The following CEP70 variants were observed in gnomAD, a reference collection of about 807,000 sequenced individuals.
CEP70 encodes the protein centrosomal protein of 70 kDa.
In CEP70, 70 loss-of-function variants were observed where a neutral mutation model predicts 90.9. That is an observed-to-expected ratio of 0.77 (90% CI 0.64 to 0.94). CEP70 has a LOEUF of 0.94. CEP70 is among the 40% of genes least tolerant of loss of function. The pLI is 0.00. For missense variants in CEP70, 648 were observed against 669.0 expected, an observed-to-expected ratio of 0.97 and a Z score of 0.35; for synonymous variants, 220 against 228.3, an observed-to-expected ratio of 0.96 and a Z score of 0.33.
At position 138,537,256 on chromosome 3, in the gene CEP70, T is replaced by G; in HGVS notation, c.557A>C (p.Glu186Ala). ...GTTTTGAGTGACAATGCGATCTTCTTCCTCCTTTTTTAATCTACAGACTTC... is the reference window on the plus strand; with the variant it reads ...GTTTTGAGTGACAATGCGATCTTCTGCCTCCTTTTTTAATCTACAGACTTC... ...QMEVCRLKKE[E>A]EDRIVTQNRV... is the part of the protein sequence containing the mutation. The change falls in exon 7 of 18, where the codon GAA becomes GCA. Residue 186 changes from glutamate to alanine, a missense_variant. Physicochemically the swap from Glu to Ala is moderately radical, Grantham distance 107. Transcript: ENST00000264982. 1 of 1,608,414 alleles carries G rather than the reference T, an allele frequency of 6.2e-7. No individual in the cohort carries two copies. The highest frequency in any genetic ancestry group is 8.5e-7 in the Non-Finnish European group (1 of 1,177,652).
chr3:138,563,582 T>C (rs1192500558), intron 6 of CEP70, among the ~76,000 whole-genome samples: 1 of 152,188 alleles, frequency 6.6e-6, no homozygotes, highest in Non-Finnish European at 1.5e-5. Flanking sequence ...CTGAACAACC[T>C]GCCTTTGAAT....
At chr3:138,552,272 C>A (rs899106769) in intron 6 of CEP70, among the ~76,000 whole-genome samples, 1 of 152,224 alleles carries the variant, frequency 6.6e-6, no homozygotes, top group East Asian at 1.9e-4. Flanking sequence ...GTCATCAAGA[C>A]AGAAAATCAA....
At chr3:138,587,406 T>C (rs2042155916) in intron 2 of CEP70, among the ~76,000 whole-genome samples, 1 of 151,612 alleles carries the variant, frequency 6.6e-6, no homozygotes, top group African/African-American at 2.4e-5. Context: ...CAGAACCAAT[T>C]AAAAAAACTA....
chr3:138,534,020 G>A (rs555633504), intron 7 of CEP70, among the ~76,000 whole-genome samples: 1,727 of 152,222 alleles, frequency 0.011, 17 homozygotes, highest in Non-Finnish European at 0.018. Context: ...TCCTGACCTC[G>A]TGATCCGCCC....
intron 6 of CEP70, among the ~76,000 whole-genome samples, chr3:138,560,832 T>C (rs983773662): frequency 2.0e-5 from 3 of 152,006 alleles, no homozygotes; most frequent in African/African-American, 4.8e-5. Context: ...TCCTCCTCTC[T>C]GGGTAGGGCA....
At chr3:138,546,899 C>CT (rs1419313060) in intron 6 of CEP70, among the ~76,000 whole-genome samples, 4 of 152,164 alleles carry the variant, frequency 2.6e-5, no homozygotes, top group Admixed American at 6.5e-5. Context: ...ACACTCATGT[C>CT]TAAGCACATG....
At position 138,552,608 on chromosome 3, in the gene CEP70, C is replaced by T. The variant is rs142239791; in HGVS notation, c.466-15261G>A. Among the ~76,000 whole-genome samples, 857 of 152,168 alleles carry T rather than the reference C, an allele frequency of 5.6e-3. 7 individuals carry two copies. The highest frequency in any genetic ancestry group is 0.02 in the African/African-American group (825 of 41,496). ...CAACAATAAAATCAAGATGGAAGTT[C>T]AAAAATTCTTTGAACCGAGAGATAA... On this transcript the variant is annotated intron_variant, in intron 6 of 17. Coordinates refer to ENST00000264982, the MANE Select transcript of CEP70 (RefSeq NM_024491.4).
chr3:138,587,193 T>C (rs2042146468), intron 2 of CEP70, among the ~76,000 whole-genome samples: 3 of 151,908 alleles, frequency 2.0e-5, no homozygotes, highest in Admixed American at 2.0e-4. Context: ...TTTTAAAAAC[T>C]AATTATTTCT....
intron 11 of CEP70, among the ~76,000 whole-genome samples, chr3:138,512,297 T>A (rs995510172): frequency 1.3e-5 from 2 of 152,180 alleles, no homozygotes; most frequent in African/African-American, 4.8e-5. Context: ...AAAGGGCACT[T>A]GTCTATGTAC....
rs1221824765 is a variant in CEP70, at chr3:138,494,464, C to T, written c.*551G>A. ...ACTTCTATCTACTCATCCATTTTACCCTATGATTCATTTCCTACCCTAACA... is the reference window on the plus strand; with the variant it reads ...ACTTCTATCTACTCATCCATTTTACTCTATGATTCATTTCCTACCCTAACA... On this transcript the variant is annotated 3_prime_UTR_variant, in exon 18 of 18. Transcript: ENST00000264982. 6.6e-6 allele frequency: 1 copy of T among 152,164 alleles called. No individual in the cohort carries two copies. Among genetic ancestry groups the T allele is most frequent in the East Asian group, 1.9e-4 (1 of 5,208 alleles). 9.4% of individuals were successfully genotyped at this position (152,164 alleles called of 1,614,324 possible). A position where few individuals can be genotyped will look rare whatever the true frequency, so the allele number is the denominator to read the frequency against.
intron 3 of CEP70, among the ~76,000 whole-genome samples, chr3:138,571,833 C>T (rs1192174020): frequency 6.6e-6 from 1 of 152,170 alleles, no homozygotes; most frequent in Non-Finnish European, 1.5e-5. Flanking sequence ...GGCTGGAGTG[C>T]AGCGGTACGA....
At chr3:138,512,389 T>C (rs371724033) in intron 11 of CEP70, among the ~76,000 whole-genome samples, 12 of 152,282 alleles carry the variant, frequency 7.9e-5, no homozygotes, top group Admixed American at 3.9e-4. Flanking sequence ...AAACCACACA[T>C]GAACAATATA....
chr3:138,496,375 A>G, intron 17 of CEP70: 1 of 985,456 alleles, frequency 1.0e-6, no homozygotes, highest in Non-Finnish European at 1.2e-6. Flanking sequence ...CAAAGCATCA[A>G]GATATGGGAA....
chr3:138,592,599 TGGCATA>T (rs1482519054), intron 1 of CEP70, among the ~76,000 whole-genome samples: 1 of 152,198 alleles, frequency 6.6e-6, no homozygotes, highest in African/African-American at 2.4e-5. Context: ...GATTTGTACA[TGGCATA>T]GTAAGCCAAG....
intron 6 of CEP70, among the ~76,000 whole-genome samples, chr3:138,563,996 T>TA (rs1214899970): frequency 6.6e-6 from 1 of 151,916 alleles, no homozygotes; most frequent in East Asian, 1.9e-4. Context: ...ATAGATGCAA[T>TA]AAAAAATGAT....
intron 10 of CEP70, among the ~76,000 whole-genome samples, chr3:138,526,265 A>G (rs1371754424): frequency 6.6e-6 from 1 of 151,958 alleles, no homozygotes; most frequent in Non-Finnish European, 1.5e-5. Context: ...GGTTCAAGCT[A>G]TTCTCTCACC....
Position 138,537,175 on chromosome 3 carries a change from T to C in CEP70, c.635+3A>G. On this transcript the variant is annotated splice_donor_region_variant and intron_variant, in intron 7 of 17. Transcript: ENST00000264982. The stretch of plus-strand genomic sequence containing the variant: ...TACATATCAATTTATGTAGCAAAAT[T>C]ACTGTCTATCCAAGACGGTATGAGG... 6.6e-7 allele frequency: 1 copy of C among 1,509,994 alleles called. No homozygotes were observed. Among genetic ancestry groups the C allele is most frequent in the Admixed American group, 2.4e-5 (1 of 41,612 alleles). The allele number at this position is 1,509,994 out of a possible 1,614,324, so 93.5% of individuals were successfully genotyped here. A position where few individuals can be genotyped will look rare whatever the true frequency, so the allele number is the denominator to read the frequency against.
intron 17 of CEP70, chr3:138,495,941 T>C (rs2033927481): frequency 2.0e-6 from 2 of 985,252 alleles, no homozygotes; most frequent in Non-Finnish European, 2.4e-6. Context: ...CTTAGCCTGG[T>C]CCAGCTTACC....
At chr3:138,524,708 A>T (rs1312028660) in intron 11 of CEP70, among the ~76,000 whole-genome samples, 2 of 152,190 alleles carry the variant, frequency 1.3e-5, no homozygotes, top group Admixed American at 6.5e-5. Flanking sequence ...TCAAAACCAC[A>T]ATGAGATACC....
Sources: gnomAD v4.1 joint callset for allele counts (sites outside exome capture counted in the v4.1 genomes callset) on GRCh38, gnomAD v4.1.1 for gene constraint, MANE v1.5 for transcripts, NCBI Gene and HGNC (gene_info 2026-07-23, HGNC 2026-07-21) for gene names.